Variants in SYT17 observed in about 807,000 individuals in gnomAD.
The protein encoded by SYT17 is synaptotagmin-17.
In SYT17, 22 loss-of-function variants were observed where a neutral mutation model predicts 46.7. That is an observed-to-expected ratio of 0.47 (90% CI 0.34 to 0.67). SYT17 has a LOEUF of 0.67. Among genes scored for constraint, SYT17 ranks in the 30% least tolerant of loss-of-function variants. SYT17 has a pLI of 0.01. For synonymous variants in SYT17, 251 were observed against 248.4 expected (o/e 1.01, Z -0.10); for missense variants, 519 against 612.8 (o/e 0.85, Z 1.62).
intron 5 of SYT17, among the ~76,000 whole-genome samples, chr16:19,193,754 A>G (rs1273879751): frequency 6.6e-6 from 1 of 152,126 alleles, no homozygotes; most frequent in African/African-American, 2.4e-5. Context: ...ATACTGGGGA[A>G]CTCAGTGTAG....
chr16:19,257,967 CT>C (rs1968698597), intron 7 of SYT17, among the ~76,000 whole-genome samples: 1 of 149,034 alleles, frequency 6.7e-6, no homozygotes, highest in Admixed American at 6.7e-5. Flanking sequence ...TTTTTTTTTC[CT>C]TTTAATTTGC....
In SYT17 at chr16:19,267,246, GCTGA is replaced by G; in HGVS notation, c.*173_*176del. On this transcript the variant is annotated 3_prime_UTR_variant, in exon 8 of 8. Coordinates refer to ENST00000355377, the MANE Select transcript of SYT17 (RefSeq NM_016524.4). The stretch of plus-strand genomic sequence containing the variant: ...CAAATCCTCTCAGAACTGAGAGGAA[GCTGA>G]CTATTGATCACAAAATGGCCGCCCT... 1.2e-5 allele frequency: 7 copies of G among 596,510 alleles called. No individual in the cohort carries two copies. The highest frequency in any genetic ancestry group is 1.9e-5 in the Non-Finnish European group (7 of 368,986). 37.0% of individuals were successfully genotyped at this position (596,510 alleles called of 1,614,324 possible). A position where few individuals can be genotyped will look rare whatever the true frequency, so the allele number is the denominator to read the frequency against.
At chr16:19,174,401 G>C (rs912254470) in intron 3 of SYT17, among the ~76,000 whole-genome samples, 54 of 152,144 alleles carry the variant, frequency 3.5e-4, no homozygotes, top group African/African-American at 1.2e-3. Flanking sequence ...CTTCGGAGGG[G>C]CAGGCCCAGA....
intron 7 of SYT17, among the ~76,000 whole-genome samples, chr16:19,256,437 A>ACAC (rs1968566447): frequency 5.4e-5 from 7 of 128,976 alleles, no homozygotes; most frequent in Admixed American, 8.4e-5. Context: ...CCCCTCTTCA[A>ACAC]ACACACACAC....
chr16:19,260,531 A>G (rs963984547), intron 7 of SYT17, among the ~76,000 whole-genome samples: 3 of 142,546 alleles, frequency 2.1e-5, no homozygotes, highest in South Asian at 2.2e-4. Context: ...AAAAAAAAGG[A>G]AAGAAAAAAA....
At chr16:19,243,620 A>G (rs1967297185) in intron 7 of SYT17, among the ~76,000 whole-genome samples, 1 of 151,940 alleles carries the variant, frequency 6.6e-6, no homozygotes, top group African/African-American at 2.4e-5. Flanking sequence ...AGACCAGCTG[A>G]CCAGCCTGAC....
intron 7 of SYT17, among the ~76,000 whole-genome samples, chr16:19,254,916 G>T (rs1189236898): frequency 6.6e-6 from 1 of 152,140 alleles, no homozygotes; most frequent in African/African-American, 2.4e-5. Flanking sequence ...CCACACTGAG[G>T]CATAAAGAAA....
At chr16:19,195,748 C>A (rs1463452775) in intron 5 of SYT17, among the ~76,000 whole-genome samples, 1 of 151,732 alleles carries the variant, frequency 6.6e-6, no homozygotes, top group African/African-American at 2.4e-5. Context: ...CTTTGGGAGG[C>A]CAAGGCGGGG....
At chr16:19,215,267 G>GC (rs1441953104) in intron 5 of SYT17, among the ~76,000 whole-genome samples, 4 of 152,144 alleles carry the variant, frequency 2.6e-5, no homozygotes, top group Non-Finnish European at 5.9e-5. Context: ...GTGGCCAAGA[G>GC]CACACACCTG....
intron 3 of SYT17, among the ~76,000 whole-genome samples, chr16:19,178,210 G>A (rs1014523244): frequency 2.6e-5 from 4 of 151,884 alleles, no homozygotes; most frequent in Non-Finnish European, 5.9e-5. Context: ...AGCCTCCCGA[G>A]TAGCTGGGAC....
intron 7 of SYT17, among the ~76,000 whole-genome samples, chr16:19,236,455 C>T (rs770727447): frequency 1.1e-4 from 17 of 152,026 alleles, no homozygotes; most frequent in Non-Finnish European, 2.2e-4. Flanking sequence ...CCAAAACTGC[C>T]CTCACTTCAG....
At chr16:19,220,761 G>A (rs1019369090) in intron 5 of SYT17, among the ~76,000 whole-genome samples, 2 of 152,128 alleles carry the variant, frequency 1.3e-5, no homozygotes, top group African/African-American at 2.4e-5. Flanking sequence ...GAGCAAAGTC[G>A]GGGGTCAGGG....
chr16:19,231,988 A>G (rs1019208297), intron 7 of SYT17, among the ~76,000 whole-genome samples: 4 of 152,184 alleles, frequency 2.6e-5, no homozygotes, highest in Admixed American at 6.5e-5. Context: ...CTGACACGTG[A>G]GCTGGGAGCT....
intron 5 of SYT17, among the ~76,000 whole-genome samples, chr16:19,200,712 A>G (rs920987956): frequency 2.0e-5 from 3 of 152,086 alleles, no homozygotes; most frequent in Admixed American, 2.0e-4. Context: ...ATATGTCTAG[A>G]TGGTGTGGCT....
intron 5 of SYT17, among the ~76,000 whole-genome samples, chr16:19,212,524 G>A (rs1304350248): frequency 6.6e-6 from 1 of 152,126 alleles, no homozygotes; most frequent in Non-Finnish European, 1.5e-5. Flanking sequence ...GGGAGGCTGA[G>A]GCACAAGAAT....
Position 19,183,061 on chromosome 16 carries a change from T to C in SYT17, c.332-467T>C, listed in dbSNP as rs1258863989. Among the ~76,000 whole-genome samples, 1 of 152,146 alleles carries C rather than the reference T, an allele frequency of 6.6e-6. No individual in the cohort carries two copies. The highest frequency in any genetic ancestry group is 1.9e-4 in the East Asian group (1 of 5,184). ...CTGAGATGGAATTCCACCCAGGCAC[T>C]CTGGTCCCAGAGCTCACTCTCTTAA... On this transcript the variant is annotated intron_variant, in intron 4 of 7. Coordinates refer to ENST00000355377, the MANE Select transcript of SYT17 (RefSeq NM_016524.4). The surrounding 1 kb of genome is among the most constrained non-coding windows in gnomAD (Gnocchi z 5.6).
chr16:19,238,530 C>T (rs1022688291), intron 7 of SYT17, among the ~76,000 whole-genome samples: 1 of 152,246 alleles, frequency 6.6e-6, no homozygotes, highest in African/African-American at 2.4e-5. Flanking sequence ...GGTGGTAGAA[C>T]TTGGCTGGAT....
chr16:19,198,355 CA>C (rs1965333778), intron 5 of SYT17, among the ~76,000 whole-genome samples: 1 of 152,164 alleles, frequency 6.6e-6, no homozygotes, highest in Non-Finnish European at 1.5e-5. Context: ...ACAGTGGTGC[CA>C]TATCATGGTC....
At chr16:19,213,936 T>C (rs1596962961) in intron 5 of SYT17, among the ~76,000 whole-genome samples, 1 of 152,308 alleles carries the variant, frequency 6.6e-6, no homozygotes, top group East Asian at 1.9e-4. Context: ...TTTATAGGCT[T>C]AGTTCAGGAT....
Sources: gnomAD v4.1 joint callset for allele counts (sites outside exome capture counted in the v4.1 genomes callset) on GRCh38, gnomAD v4.1.1 for gene constraint, Gnocchi (gnomAD v3.1) non-coding constraint, MANE v1.5 for transcripts, NCBI Gene and HGNC (gene_info 2026-07-23, HGNC 2026-07-21) for gene names.